The following ADAM12 variants were observed in gnomAD, a reference collection of about 807,000 sequenced individuals.
ADAM12 encodes the protein disintegrin and metalloproteinase domain-containing protein 12.
Under a neutral mutation model 106.4 loss-of-function variants are expected in ADAM12, and 70 were observed. That is an observed-to-expected ratio of 0.66 (90% confidence interval 0.54 to 0.80). ADAM12 has a LOEUF of 0.80. Among genes scored for constraint, ADAM12 ranks in the 30% least tolerant of loss-of-function variants. The probability of loss-of-function intolerance (pLI) is 0.00; values close to 1 mark genes in which losing one functional copy is unlikely to be tolerated. For synonymous variants in ADAM12, 420 were observed against 433.5 expected (o/e 0.97, Z 0.39); for missense variants, 1,010 against 1,171.9 (o/e 0.86, Z 2.02).
At chr10:126,090,131 A>G (rs1472448330) in intron 11 of ADAM12, among the ~76,000 whole-genome samples, 7 of 151,644 alleles carry the variant, frequency 4.6e-5, no homozygotes, top group Non-Finnish European at 8.8e-5. Context: ...AACTCTTTTC[A>G]CCACTAGAAC....
At chr10:126,035,713 C>T (rs1954046964) in intron 21 of ADAM12, among the ~76,000 whole-genome samples, 1 of 152,086 alleles carries the variant, frequency 6.6e-6, no homozygotes, top group South Asian at 2.1e-4. Flanking sequence ...GGTACGGAGA[C>T]ACTCTGTATA....
At chr10:126,135,796 T>G (rs1001055244) in intron 4 of ADAM12, 136 bp from the exon 5 acceptor site, 1 of 776,332 alleles carries the variant, frequency 1.3e-6, no homozygotes, top group South Asian at 1.8e-5. Context: ...TAATATTTAA[T>G]GCAAAGCCCA....
intron 18 of ADAM12, 42 bp downstream of exon 18, chr10:126,042,998 G>A (rs1590325976): frequency 6.3e-7 from 1 of 1,592,650 alleles, no homozygotes; most frequent in Non-Finnish European, 8.6e-7. Flanking sequence ...CCGCCCCCAG[G>A]TGCTCAGCCT....
intron 10 of ADAM12, among the ~76,000 whole-genome samples, chr10:126,096,149 T>C (rs1785945248): frequency 6.6e-6 from 1 of 152,186 alleles, no homozygotes; most frequent in African/African-American, 2.4e-5. Context: ...TTCTCGAAAA[T>C]AACACAATGG....
chr10:126,149,437 T>G (rs1166892074), intron 4 of ADAM12, among the ~76,000 whole-genome samples: 5 of 152,194 alleles, frequency 3.3e-5, no homozygotes, highest in African/African-American at 7.2e-5. Context: ...GAAAAAGTAC[T>G]GTGATAGTAA....
rs367973523 is a variant in ADAM12 at position 126,061,404 on chromosome 10, T to A, written c.1609+3402A>T. 4.5e-4 allele frequency among the ~76,000 whole-genome samples: 68 copies of A among 152,316 alleles called. 1 individual carries two copies. The South Asian group carries it at 0.012, about 27-fold the overall frequency. ...ACAAGGTTGAGCAATTTGCAGAAGG[T>A]CCCTTGCTAGTAAGTGGTCTGTTCA... On this transcript the variant is annotated intron_variant, in intron 14 of 22. Transcript: ENST00000448723.
At chr10:126,057,719 A>G (rs1357365051) in intron 14 of ADAM12, among the ~76,000 whole-genome samples, 2 of 152,146 alleles carry the variant, frequency 1.3e-5, no homozygotes, top group African/African-American at 4.8e-5. Context: ...CACACTGGCC[A>G]CACCCCTCCA....
intron 2 of ADAM12, among the ~76,000 whole-genome samples, chr10:126,298,733 G>C (rs1960486781): frequency 6.6e-6 from 1 of 152,066 alleles, no homozygotes; most frequent in African/African-American, 2.4e-5. Flanking sequence ...AAGAATCATA[G>C]TAACATTGCT....
At position 126,388,304 on chromosome 10, in the gene ADAM12, G is replaced by A. The variant is rs966010773; in HGVS notation, c.-159C>T. On this transcript the variant is annotated 5_prime_UTR_variant, in exon 1 of 23. Transcript: ENST00000448723. This position sits in a 1 kb window ranked among gnomAD's most constrained non-coding sequence, Gnocchi z 4.4. ...CGCGCAGCGCCCGCGCCGCCGCTGA[G>A]CTCTTCTAGCCTTTCATTTTTAAAA... 9.4e-7 allele frequency: 1 copy of A among 1,064,828 alleles called. No individual in the cohort carries two copies. The highest frequency in any genetic ancestry group is 1.2e-6 in the Non-Finnish European group (1 of 850,200). 66.0% of individuals were successfully genotyped at this position (1,064,828 alleles called of 1,614,324 possible). A position where few individuals can be genotyped will look rare whatever the true frequency, so the allele number is the denominator to read the frequency against.
chr10:126,379,599 C>T (rs983887935), intron 1 of ADAM12, among the ~76,000 whole-genome samples: 3 of 152,042 alleles, frequency 2.0e-5, no homozygotes, highest in Non-Finnish European at 2.9e-5. Context: ...ATGTAGATGA[C>T]GGGTTGATGG....
intron 11 of ADAM12, among the ~76,000 whole-genome samples, chr10:126,088,140 G>A (rs1401071016): frequency 6.6e-6 from 1 of 152,138 alleles, no homozygotes; most frequent in African/African-American, 2.4e-5. Flanking sequence ...ACTTCTAGAT[G>A]GTGCTTGATA....
At position 126,049,334 on chromosome 10, in the gene ADAM12, G is replaced by A. The variant is rs1263226706; in HGVS notation, c.1836C>T (p.Cys612=). 11 of 1,614,214 alleles carry A rather than the reference G, an allele frequency of 6.8e-6. No homozygotes were observed. In the East Asian group the frequency reaches 2.0e-4, roughly 29 times the overall value. Residue 612 remains cysteine (C), a synonymous_variant, in exon 16 of 23, where the codon TGC becomes TGT. Coordinates refer to ENST00000448723, the MANE Select transcript of ADAM12 (RefSeq NM_001288973.2). This position sits in a 1 kb window ranked among gnomAD's most constrained non-coding sequence, Gnocchi z 4.4. ...CGCCCAAGTACACGTGGGTCCCCCGGCACAGAATCCGGCCTCCTTGCTGCA... is the reference window on the plus strand; with the variant it reads ...CGCCCAAGTACACGTGGGTCCCCCGACACAGAATCCGGCCTCCTTGCTGCA... ...IPLQQGGRIL[C]RGTHVYLGDD...
intron 9 of ADAM12, among the ~76,000 whole-genome samples, chr10:126,100,178 A>G (rs1955634756): frequency 6.6e-6 from 1 of 152,114 alleles, no homozygotes; most frequent in Admixed American, 6.5e-5. Flanking sequence ...AAGCCCCCCA[A>G]ACACTCTTTG....
chr10:126,082,470 G>A (rs1281699940), intron 11 of ADAM12, among the ~76,000 whole-genome samples: 1 of 146,540 alleles, frequency 6.8e-6, no homozygotes, highest in Non-Finnish European at 1.5e-5. Flanking sequence ...CCGGGTTCAA[G>A]CGATTCTCCT....
intron 4 of ADAM12, among the ~76,000 whole-genome samples, chr10:126,148,658 T>G (rs905966324): frequency 2.6e-5 from 4 of 152,194 alleles, no homozygotes; most frequent in African/African-American, 9.7e-5. Flanking sequence ...GGGTGCCAAT[T>G]AATCTAGCTT....
intron 3 of ADAM12, among the ~76,000 whole-genome samples, chr10:126,179,365 C>T (rs560267436): frequency 1.3e-5 from 2 of 152,312 alleles, no homozygotes; most frequent in South Asian, 2.1e-4. Context: ...TCAATCGGCA[C>T]CACTTTCTTT....
chr10:126,053,445 C>T lies in ADAM12; in HGVS notation c.1610-3776G>A, dbSNP rs1370913627. On this transcript the variant is annotated intron_variant, in intron 14 of 22. Coordinates refer to ENST00000448723, the MANE Select transcript of ADAM12 (RefSeq NM_001288973.2). This position sits in a 1 kb window ranked among gnomAD's most constrained non-coding sequence, Gnocchi z 4.6. ...CAATAACGCAGAAGCATGGTACACGCCCCAGCAGAAGGCCACCTGGCATTT... is the reference window on the plus strand; with the variant it reads ...CAATAACGCAGAAGCATGGTACACGTCCCAGCAGAAGGCCACCTGGCATTT... Among the ~76,000 whole-genome samples the T allele has an allele frequency of 6.6e-6, 1 of 152,018 alleles. No individual in the cohort carries two copies. The highest frequency in any genetic ancestry group is 1.5e-5 in the Non-Finnish European group (1 of 68,014).
At chr10:126,120,118 C>G (rs148936068) in intron 5 of ADAM12, among the ~76,000 whole-genome samples, 3 of 152,130 alleles carry the variant, frequency 2.0e-5, no homozygotes, top group Non-Finnish European at 4.4e-5. Context: ...GACTACTAAC[C>G]TTTTGTGAGA....
chr10:126,077,654 C>T (rs75113123), intron 11 of ADAM12, among the ~76,000 whole-genome samples: 18,680 of 152,150 alleles, frequency 0.12, 1,489 homozygotes, highest in African/African-American at 0.21. Flanking sequence ...AAAGGACTCC[C>T]TATTCAATAA....
Sources: allele counts gnomAD v4.1 joint callset (sites outside exome capture counted in the v4.1 genomes callset), GRCh38; gene constraint gnomAD v4.1.1; non-coding constraint Gnocchi (gnomAD v3.1); transcripts MANE v1.5; gene names NCBI Gene and HGNC (gene_info 2026-07-23, HGNC 2026-07-21).